DNAH14: variants seen among roughly 807,000 people sequenced by gnomAD.
DNAH14 encodes axonemal beta dynein heavy chain 14.
DNAH14 carries 478 observed loss-of-function variants against 520.9 expected under a neutral mutation model. The observed-to-expected ratio is 0.92, with a 90% CI of 0.85 to 0.99. The LOEUF (loss-of-function observed/expected upper bound fraction) is 0.99, where lower values mean the gene tolerates loss of function less well. Ranked by LOEUF, DNAH14 falls within the 50% of genes least tolerant of loss-of-function variation. The pLI, the probability that DNAH14 is intolerant of heterozygous loss-of-function variation, is 0.00. For missense variants in DNAH14, 4,831 were observed against 5,234.5 expected (o/e 0.92, Z 2.38); for synonymous variants, 1,581 against 1,757.2 (o/e 0.90, Z 2.51).
intron 2 of DNAH14, among the ~76,000 whole-genome samples, chr1:224,953,992 G>A (rs1283789583): frequency 1.3e-5 from 2 of 152,014 alleles, no homozygotes; most frequent in Admixed American, 6.6e-5. Context: ...TCAAGAAAGT[G>A]AAAAGATAAT....
At chr1:224,977,303 C>G (rs1019507825) in intron 8 of DNAH14, among the ~76,000 whole-genome samples, 39 of 131,114 alleles carry the variant, frequency 3.0e-4, no homozygotes, top group African/African-American at 1.1e-3. Flanking sequence ...CACATGGACA[C>G]AGGAAGGGGA....
At chr1:225,223,062 C>T (rs1184252659) in intron 41 of DNAH14, among the ~76,000 whole-genome samples, 1 of 152,080 alleles carries the variant, frequency 6.6e-6, no homozygotes, top group Non-Finnish European at 1.5e-5. Flanking sequence ...CAGCCATTAC[C>T]AGGCAAAAAT....
Position 224,967,412 on chromosome 1 carries a change from AT to A in DNAH14, c.499-9del, listed in dbSNP as rs749317368. On this transcript the variant is annotated intron_variant, in intron 5 of 85. Transcript: ENST00000682510. ...GTCAAATTAATTAAATTTGTTTATT[AT>A]TTTTTTTTTAATCTCAGAAACCTTT... 17,031 of 1,246,644 alleles carry A rather than the reference AT, an allele frequency of 0.014. No homozygotes were observed. The highest frequency in any genetic ancestry group is 0.021 in the South Asian group (1,282 of 60,816). 77.2% of individuals were successfully genotyped at this position (1,246,644 alleles called of 1,614,324 possible).
intron 1 of DNAH14, among the ~76,000 whole-genome samples, chr1:224,932,249 GTCT>G (rs1411669333): frequency 1.3e-5 from 2 of 152,040 alleles, no homozygotes; most frequent in African/African-American, 4.8e-5. Context: ...CTGGTTACAT[GTCT>G]TCTTTTAAGA....
intron 11 of DNAH14, among the ~76,000 whole-genome samples, chr1:225,029,746 T>C (rs1445133740): frequency 6.6e-6 from 1 of 151,972 alleles, no homozygotes; most frequent in Non-Finnish European, 1.5e-5. Flanking sequence ...CTAAAAAGTG[T>C]ATCATATACC....
chr1:225,271,761 C>A (rs1490556633), intron 50 of DNAH14, 145 bp from the exon 51 acceptor site: 1 of 702,656 alleles, frequency 1.4e-6, no homozygotes, highest in Non-Finnish European at 2.3e-6. Context: ...ATCTACCATC[C>A]TATGTTAAAT....
intron 60 of DNAH14, among the ~76,000 whole-genome samples, chr1:225,310,784 T>G (rs572450441): frequency 1.2e-4 from 19 of 152,222 alleles, no homozygotes; most frequent in Non-Finnish European, 8.8e-5. Context: ...AGCTCATCCT[T>G]TTTTATGGCT....
At position 225,189,077 on chromosome 1, in the gene DNAH14, C is replaced by T. The variant is rs1298313844; in HGVS notation, c.5671-3619C>T. On this transcript the variant is annotated intron_variant, in intron 37 of 85. Transcript: ENST00000682510. ...ACCATGAAAAGGTGTGAAATTTTGT[C>T]AAATGCTTTTTCTGTGCCTTTTGAT... Among the ~76,000 whole-genome samples the T allele has an allele frequency of 3.3e-5, 5 of 151,822 alleles. No individual in the cohort carries two copies. The South Asian group carries it at 8.3e-4, about 25-fold the overall frequency.
chr1:225,362,873 A>G (rs2095508565), intron 75 of DNAH14, among the ~76,000 whole-genome samples: 1 of 152,202 alleles, frequency 6.6e-6, no homozygotes, highest in African/African-American at 2.4e-5. Context: ...AAAAAGCTAC[A>G]AACAAAATAT....
intron 73 of DNAH14, among the ~76,000 whole-genome samples, chr1:225,354,803 C>A (rs1352812065): frequency 6.6e-6 from 1 of 152,134 alleles, no homozygotes; most frequent in Non-Finnish European, 1.5e-5. Context: ...TCCTTAAATT[C>A]TTCATTTCCT....
chr1:225,258,060 A>G lies in DNAH14; in HGVS notation c.6966A>G (p.Thr2322=). ...CINYTATRDT[T]CLSFLMSLLL... is the part of the protein sequence containing the mutation. ...ATTATACCGCTACCAGAGACACAAC[A>G]TGCCTTTCTTTTCTCATGAGCCTTC... is the stretch of plus-strand genomic sequence containing the variant. The change falls in exon 45 of 86, where the codon ACA becomes ACG. Residue 2322 remains threonine (T), a synonymous_variant. Transcript: ENST00000682510. The G allele has an allele frequency of 6.5e-7, 1 of 1,549,570 alleles. No individual in the cohort carries two copies. Among genetic ancestry groups the G allele is most frequent in the South Asian group, 1.2e-5 (1 of 83,662 alleles).
At chr1:225,335,263 T>TAC (rs1379927522) in intron 66 of DNAH14, among the ~76,000 whole-genome samples, 1 of 132,408 alleles carries the variant, frequency 7.6e-6, no homozygotes, top group African/African-American at 2.8e-5. Context: ...TATGCACATA[T>TAC]ACACGTGTAC....
intron 8 of DNAH14, among the ~76,000 whole-genome samples, chr1:224,975,044 A>G (rs1285375266): frequency 1.3e-5 from 2 of 152,000 alleles, no homozygotes; most frequent in African/African-American, 2.4e-5. Flanking sequence ...ATTTGTGTAT[A>G]TTGAACCAGC....
At chr1:225,059,514 T>C (rs1172512103) in intron 17 of DNAH14, among the ~76,000 whole-genome samples, 1 of 152,252 alleles carries the variant, frequency 6.6e-6, no homozygotes, top group Non-Finnish European at 1.5e-5. Context: ...TTGGAGCATT[T>C]AGCCCATTTA....
At chr1:225,174,007 A>G (rs1392078893) in intron 36 of DNAH14, among the ~76,000 whole-genome samples, 1 of 152,208 alleles carries the variant, frequency 6.6e-6, no homozygotes, top group South Asian at 2.1e-4. Flanking sequence ...AAACTATCGC[A>G]AGGACAAAAA....
intron 42 of DNAH14, among the ~76,000 whole-genome samples, chr1:225,234,525 C>G (rs2091418353): frequency 1.3e-5 from 2 of 152,114 alleles, no homozygotes; most frequent in African/African-American, 4.8e-5. Context: ...TTTGGCTATT[C>G]AGGCTCTTTT....
At chr1:225,016,030 C>G (rs1272992774) in intron 10 of DNAH14, among the ~76,000 whole-genome samples, 1 of 152,078 alleles carries the variant, frequency 6.6e-6, no homozygotes, top group Admixed American at 6.5e-5. Flanking sequence ...TCACGAGGGC[C>G]CTTCAGGACA....
intron 60 of DNAH14, among the ~76,000 whole-genome samples, chr1:225,316,042 G>A (rs1006413277): frequency 2.6e-5 from 4 of 152,218 alleles, no homozygotes; most frequent in African/African-American, 9.6e-5. Context: ...TTTCAGAGAT[G>A]CCCTGCCCAG....
intron 1 of DNAH14, among the ~76,000 whole-genome samples, chr1:224,935,530 A>G (rs1427111406): frequency 6.6e-6 from 1 of 151,896 alleles, no homozygotes; most frequent in Non-Finnish European, 1.5e-5. Flanking sequence ...AAGATACAAC[A>G]GTTCTAAATA....
Sources: gnomAD v4.1 joint callset for allele counts (sites outside exome capture counted in the v4.1 genomes callset) on GRCh38, gnomAD v4.1.1 for gene constraint, MANE v1.5 for transcripts, NCBI Gene and HGNC (gene_info 2026-07-23, HGNC 2026-07-21) for gene names.